Variants in USP32 observed in about 807,000 individuals in gnomAD.
USP32 encodes ubiquitin carboxyl-terminal hydrolase 32.
Under a neutral mutation model 204.8 loss-of-function variants are expected in USP32, and 59 were observed. The ratio of observed to expected loss-of-function variants is 0.29; its 90% CI spans 0.23 to 0.36. The LOEUF is 0.36. Ranked by LOEUF, USP32 falls within the 10% of genes least tolerant of loss-of-function variation. The pLI is 1.00. For synonymous variants in USP32, 517 were observed against 678.4 expected, an observed-to-expected ratio of 0.76 and a Z score of 3.70; for missense variants, 1,160 against 1,946.4, an observed-to-expected ratio of 0.60 and a Z score of 7.60.
At chr17:60,185,759 A>G in intron 29 of USP32, 108 bp from the exon 30 acceptor site, 1 of 1,303,894 alleles carries the variant, frequency 7.7e-7, no homozygotes, top group African/African-American at 1.5e-5. Flanking sequence ...TACTCTATAT[A>G]AGGAAAAAGA....
At chr17:60,385,461 G>A (rs551516955) in intron 1 of USP32, among the ~76,000 whole-genome samples, 63 of 152,248 alleles carry the variant, frequency 4.1e-4, no homozygotes, top group Non-Finnish European at 8.1e-4. Flanking sequence ...CAAGAGAATC[G>A]CTTGAACCAG....
At chr17:60,336,508 G>T (rs1378522007) in intron 2 of USP32, among the ~76,000 whole-genome samples, 2 of 140,884 alleles carry the variant, frequency 1.4e-5, no homozygotes, top group Non-Finnish European at 3.0e-5. Context: ...GAGGTCAAGA[G>T]ATCGAGACCA....
intron 2 of USP32, among the ~76,000 whole-genome samples, chr17:60,325,803 T>A (rs1217368359): frequency 6.6e-6 from 1 of 151,512 alleles, no homozygotes; most frequent in East Asian, 1.9e-4. Flanking sequence ...GTGGCACATG[T>A]CTGTAGTCCC....
At chr17:60,332,209 G>A (rs1028486392) in intron 2 of USP32, among the ~76,000 whole-genome samples, 2 of 151,896 alleles carry the variant, frequency 1.3e-5, no homozygotes, top group Non-Finnish European at 2.9e-5. Flanking sequence ...GGTGAGCAGA[G>A]ATCACGCCAC....
intron 1 of USP32, among the ~76,000 whole-genome samples, chr17:60,397,439 T>G (rs2089907805): frequency 6.6e-6 from 1 of 152,194 alleles, no homozygotes; most frequent in Admixed American, 6.5e-5. Flanking sequence ...CATAACTCAC[T>G]GTAACCTCAA....
chr17:60,347,737 C>T (rs1223544649), intron 1 of USP32, among the ~76,000 whole-genome samples: 1 of 151,662 alleles, frequency 6.6e-6, no homozygotes, highest in African/African-American at 2.4e-5. Flanking sequence ...ATCTGCCCAC[C>T]TTGACTGGGA....
chr17:60,200,153 C>A (rs1206387236), intron 26 of USP32, among the ~76,000 whole-genome samples: 1 of 151,614 alleles, frequency 6.6e-6, no homozygotes, highest in Non-Finnish European at 1.5e-5. Flanking sequence ...GAGATCGTGC[C>A]ATTGCACTCC....
intron 4 of USP32, among the ~76,000 whole-genome samples, chr17:60,291,112 T>G (rs941904926): frequency 1.6e-4 from 24 of 152,230 alleles, no homozygotes; most frequent in African/African-American, 5.1e-4. Context: ...GGAATTTGCC[T>G]ACTGTTATAC....
chr17:60,240,473 G>A (rs1390232254), intron 11 of USP32, among the ~76,000 whole-genome samples: 2 of 149,702 alleles, frequency 1.3e-5, no homozygotes, highest in African/African-American at 5.1e-5. Context: ...GGGAGAGAGA[G>A]GAAGAGAAAG....
intron 4 of USP32, among the ~76,000 whole-genome samples, chr17:60,291,862 TTAAC>T (rs925023512): frequency 9.2e-5 from 14 of 152,060 alleles, no homozygotes; most frequent in Non-Finnish European, 2.1e-4. Flanking sequence ...AACTCAGGCA[TTAAC>T]TACCACAGTC....
At chr17:60,365,834 T>G (rs1598289852) in intron 1 of USP32, among the ~76,000 whole-genome samples, 1 of 152,324 alleles carries the variant, frequency 6.6e-6, no homozygotes, top group East Asian at 1.9e-4. Flanking sequence ...AGAATAAATC[T>G]ACCAAAGAGT....
intron 1 of USP32, chr17:60,421,367 C>T (rs564682251): frequency 1.0e-6 from 1 of 985,372 alleles, no homozygotes; most frequent in Non-Finnish European, 1.2e-6. Flanking sequence ...TCCGGGCTAC[C>T]CCTACTTGAA....
chr17:60,348,139 AAGTC>A (rs2146013722), intron 1 of USP32, among the ~76,000 whole-genome samples: 1 of 152,128 alleles, frequency 6.6e-6, no homozygotes, highest in East Asian at 1.9e-4. Context: ...AAAAAAGAGT[AAGTC>A]AGGAAAAAAG....
At chr17:60,373,709 CCA>C (rs537639227) in intron 1 of USP32, among the ~76,000 whole-genome samples, 45 of 152,194 alleles carry the variant, frequency 3.0e-4, no homozygotes, top group African/African-American at 1.0e-3. Flanking sequence ...CCTCGTCCTC[CCA>C]CAGTGTTGGG....
intron 4 of USP32, among the ~76,000 whole-genome samples, chr17:60,292,588 C>T (rs1307993148): frequency 6.6e-6 from 1 of 152,092 alleles, no homozygotes; most frequent in Non-Finnish European, 1.5e-5. Context: ...AAATTCTAGG[C>T]CAACTCTACC....
At chr17:60,337,355 T>A (rs1418994387) in intron 2 of USP32, among the ~76,000 whole-genome samples, 1 of 152,156 alleles carries the variant, frequency 6.6e-6, no homozygotes, top group African/African-American at 2.4e-5. Context: ...TCCTCTAATC[T>A]AGAAAAAGGT....
chr17:60,329,278 G>GTT (rs538014621), intron 2 of USP32, among the ~76,000 whole-genome samples: 3,245 of 147,676 alleles, frequency 0.022, 135 homozygotes, highest in African/African-American at 0.076. Flanking sequence ...GTGTGTGTGT[G>GTT]TTTTTTTTTT....
chr17:60,201,316 C>G (rs1010920747), intron 26 of USP32, among the ~76,000 whole-genome samples: 1 of 152,062 alleles, frequency 6.6e-6, no homozygotes, highest in Admixed American at 6.6e-5. Flanking sequence ...AATGGACATG[C>G]AATGTTTTCA....
At chr17:60,276,870 G>T (rs2086851449) in intron 5 of USP32, among the ~76,000 whole-genome samples, 1 of 151,336 alleles carries the variant, frequency 6.6e-6, no homozygotes, top group South Asian at 2.1e-4. Context: ...TATGTGATCT[G>T]TTCATTTTCT....
Sources: gnomAD v4.1 joint callset for allele counts (sites outside exome capture counted in the v4.1 genomes callset) on GRCh38, gnomAD v4.1.1 for gene constraint, MANE v1.5 for transcripts, NCBI Gene and HGNC (gene_info 2026-07-23, HGNC 2026-07-21) for gene names.